MSH3: variants seen among roughly 807,000 people sequenced by gnomAD.
MSH3 encodes DNA mismatch repair protein Msh3.
MSH3 carries 106 observed loss-of-function variants against 123.3 expected under a neutral mutation model. The observed-to-expected ratio is 0.86, with a 90% confidence interval of 0.73 to 1.01. The LOEUF is 1.01. MSH3 is among the 50% of genes least tolerant of loss of function. The pLI is 0.00. For missense variants in MSH3, 1,459 were observed against 1,347.6 expected (o/e 1.08, Z -1.29); for synonymous variants, 515 against 481.4 (o/e 1.07, Z -0.91).
At chr5:80,778,958 C>A in intron 17 of MSH3, 122 bp downstream of exon 17, 4 of 613,572 alleles carry the variant, frequency 6.5e-6, no homozygotes, top group Non-Finnish European at 5.8e-6. Context: ...TAGTTGAGTA[C>A]ATGTGTTCTC....
intron 6 of MSH3, among the ~76,000 whole-genome samples, chr5:80,673,731 A>G (rs536832077): frequency 1.8e-4 from 28 of 152,350 alleles, no homozygotes; most frequent in African/African-American, 5.8e-4. Context: ...TTCAATGTGC[A>G]TAATGATTGC....
chr5:80,831,313 A>G (rs1745413726), intron 20 of MSH3, among the ~76,000 whole-genome samples: 1 of 152,226 alleles, frequency 6.6e-6, no homozygotes, highest in African/African-American at 2.4e-5. Flanking sequence ...TTCATTATGC[A>G]AAATTTTAAA....
At chr5:80,677,591 G>A (rs6151664) in intron 7 of MSH3, among the ~76,000 whole-genome samples, 1 of 152,020 alleles carries the variant, frequency 6.6e-6, no homozygotes, top group Non-Finnish European at 1.5e-5. Flanking sequence ...ATTACAGTTA[G>A]AGGAGCTATA....
At chr5:80,786,227 A>C (rs1029033891) in intron 17 of MSH3, among the ~76,000 whole-genome samples, 7 of 152,176 alleles carry the variant, frequency 4.6e-5, no homozygotes, top group African/African-American at 1.7e-4. Context: ...CACAAAAATA[A>C]GGCAAGATGC....
At chr5:80,863,449 T>C (rs1244414824) in intron 21 of MSH3, among the ~76,000 whole-genome samples, 4 of 152,108 alleles carry the variant, frequency 2.6e-5, no homozygotes, top group African/African-American at 9.7e-5. Context: ...GGTGGGTGGA[T>C]CACGAGGTCA....
chr5:80,679,199 T>C, intron 8 of MSH3, 106 bp downstream of exon 8: 1 of 1,232,804 alleles, frequency 8.1e-7, no homozygotes, highest in Non-Finnish European at 1.2e-6. Flanking sequence ...CTTACAAAAA[T>C]TATATTTCCA....
chr5:80,725,404 T>A (rs1561456604), intron 8 of MSH3, 49 bp from the exon 9 acceptor site: 1 of 1,315,954 alleles, frequency 7.6e-7, no homozygotes, highest in Non-Finnish European at 1.1e-6. Context: ...ATACCAGCAT[T>A]TCATGATAAT....
At chr5:80,778,639 ATAAC>A (rs1330708480) in intron 16 of MSH3, 77 bp from the exon 17 acceptor site, 15 of 814,840 alleles carry the variant, frequency 1.8e-5, no homozygotes, top group Non-Finnish European at 2.6e-5. Flanking sequence ...AGAATAATAA[ATAAC>A]TAATTTTCTA....
chr5:80,834,292 A>G (rs1229893415), intron 20 of MSH3, among the ~76,000 whole-genome samples: 1 of 152,036 alleles, frequency 6.6e-6, no homozygotes, highest in East Asian at 1.9e-4. Context: ...CAGAGCAAAC[A>G]TCATTCATTG....
At chr5:80,813,364 T>C (rs1316300630) in intron 19 of MSH3, among the ~76,000 whole-genome samples, 3 of 152,248 alleles carry the variant, frequency 2.0e-5, no homozygotes, top group Non-Finnish European at 2.9e-5. Context: ...TCTGGTCTTA[T>C]TTCCTTTTTA....
At chr5:80,818,687 A>G (rs1745149477) in intron 20 of MSH3, among the ~76,000 whole-genome samples, 1 of 152,248 alleles carries the variant, frequency 6.6e-6, no homozygotes, top group African/African-American at 2.4e-5. Context: ...TTAGTGATAC[A>G]TGCTAAAATG....
rs77204995 is a variant in MSH3 at position 80,840,313 on chromosome 5, G to A, written c.2814-13817G>A. ...AAAACAAGCAATGGGGAAAGGAAAGGGGAATCTTCTAGGCATCCCAGTCTA... is the reference window on the plus strand; with the variant it reads ...AAAACAAGCAATGGGGAAAGGAAAGAGGAATCTTCTAGGCATCCCAGTCTA... On this transcript the variant is annotated intron_variant, in intron 20 of 23. Coordinates refer to ENST00000265081, the MANE Select transcript of MSH3 (RefSeq NM_002439.5). Among the ~76,000 whole-genome samples, 1,345 of 152,236 alleles carry A rather than the reference G, an allele frequency of 8.8e-3. 25 individuals carry two copies. Among genetic ancestry groups the A allele is most frequent in the African/African-American group, 0.031 (1,283 of 41,528 alleles).
chr5:80,840,786 G>A (rs917418126), intron 20 of MSH3, among the ~76,000 whole-genome samples: 8 of 131,702 alleles, frequency 6.1e-5, no homozygotes, highest in African/African-American at 2.0e-4. Context: ...GATGTTCCCC[G>A]CCCTGTGCCA....
At chr5:80,860,142 A>C (rs1346282530) in intron 21 of MSH3, among the ~76,000 whole-genome samples, 1 of 152,156 alleles carries the variant, frequency 6.6e-6, no homozygotes, top group African/African-American at 2.4e-5. Context: ...ACATAATCGC[A>C]TACACTGTTG....
At chr5:80,655,367 T>A (rs998068869) in intron 1 of MSH3, 33 of 235,394 alleles carry the variant, frequency 1.4e-4, no homozygotes, top group African/African-American at 6.4e-4. Context: ...AAAGCTGCCC[T>A]TAGGTCTCCA....
chr5:80,729,798 T>C (rs1184843503), intron 10 of MSH3, among the ~76,000 whole-genome samples: 1 of 152,184 alleles, frequency 6.6e-6, no homozygotes, highest in East Asian at 1.9e-4. Flanking sequence ...TAGGGTACTT[T>C]CCTTGTCTTT....
chr5:80,685,304 T>C (rs1750063029), intron 8 of MSH3, among the ~76,000 whole-genome samples: 1 of 151,812 alleles, frequency 6.6e-6, no homozygotes, highest in African/African-American at 2.4e-5. Context: ...GGTCCTGGGC[T>C]TTTCTTTGCT....
intron 8 of MSH3, among the ~76,000 whole-genome samples, chr5:80,706,920 G>A (rs1650735): frequency 0.13 from 19,028 of 152,162 alleles, 1,328 homozygotes; most frequent in Middle Eastern, 0.2. Flanking sequence ...AAGTGTATGA[G>A]TCAATCAATT....
At chr5:80,794,314 A>G (rs552283389) in intron 19 of MSH3, among the ~76,000 whole-genome samples, 9 of 152,338 alleles carry the variant, frequency 5.9e-5, no homozygotes, top group African/African-American at 1.9e-4. Context: ...GGCTGGGGTC[A>G]TCCTAAGGAT....
Sources: gnomAD v4.1 joint callset for allele counts (sites outside exome capture counted in the v4.1 genomes callset) on GRCh38, gnomAD v4.1.1 for gene constraint, MANE v1.5 for transcripts, NCBI Gene and HGNC (gene_info 2026-07-23, HGNC 2026-07-21) for gene names.